The following ADAM10 variants were observed in gnomAD, a reference collection of about 807,000 sequenced individuals.
ADAM10 encodes disintegrin and metalloproteinase domain-containing protein 10.
Under a neutral mutation model 90.1 loss-of-function variants are expected in ADAM10, and 17 were observed. That is an observed-to-expected ratio of 0.19 (90% confidence interval 0.13 to 0.28). The LOEUF (loss-of-function observed/expected upper bound fraction) is 0.28, where lower values mean the gene tolerates loss of function less well. ADAM10 is among the 10% of genes least tolerant of loss of function. The pLI, the probability that ADAM10 is intolerant of heterozygous loss-of-function variation, is 1.00. For synonymous variants in ADAM10, 310 were observed against 298.6 expected (o/e 1.04, Z -0.40); for missense variants, 610 against 914.3 (o/e 0.67, Z 4.29).
intron 4 of ADAM10, among the ~76,000 whole-genome samples, chr15:58,668,466 G>A (rs1354177044): frequency 2.6e-5 from 4 of 152,126 alleles, no homozygotes; most frequent in African/African-American, 9.7e-5. Flanking sequence ...TTCCCAAGCT[G>A]TGACAACTGA....
rs1446590941 is a variant in ADAM10, at chr15:58,633,258, C to T, written c.1114G>A (p.Val372Ile). ...IITVQNYGSH[V>I]PPKVSHITFA... is the part of the protein sequence containing the mutation. ...GTAATGTGAGAGACTTTGGGAGGTA[C>T]ATGAGACCCATAGTTCTGAACAGTA... Residue 372 changes from valine to isoleucine, a missense_variant, in exon 9 of 16, where the codon GTA (valine) becomes ATA (isoleucine). Around this residue, in one of 4 missense-constraint regions of ADAM10, gnomAD observed 97 missense variants for 221.4 expected, o/e 0.44. Transcript: ENST00000260408. The T allele has an allele frequency of 3.1e-6, 5 of 1,613,282 alleles. No homozygotes were observed. The highest frequency in any genetic ancestry group is 4.2e-6 in the Non-Finnish European group (5 of 1,179,446).
At chr15:58,689,669 T>C (rs1405803907) in intron 2 of ADAM10, among the ~76,000 whole-genome samples, 1 of 152,042 alleles carries the variant, frequency 6.6e-6, no homozygotes, top group African/African-American at 2.4e-5. Context: ...AGTGATAAAG[T>C]AATATTATGA....
intron 2 of ADAM10, chr15:58,691,039 T>G: frequency 1.8e-6 from 1 of 558,650 alleles, no homozygotes; most frequent in Non-Finnish European, 3.5e-6. Flanking sequence ...TTAGCCATCA[T>G]ATAACCCATC....
intron 11 of ADAM10, among the ~76,000 whole-genome samples, chr15:58,613,334 T>C (rs1389529196): frequency 1.3e-5 from 2 of 152,108 alleles, no homozygotes; most frequent in Non-Finnish European, 2.9e-5. Context: ...CTAGAAAATT[T>C]AGATGAGACG....
At chr15:58,626,769 G>C (rs1422899614) in intron 10 of ADAM10, among the ~76,000 whole-genome samples, 1 of 152,096 alleles carries the variant, frequency 6.6e-6, no homozygotes, top group Non-Finnish European at 1.5e-5. Flanking sequence ...AATTCATAAA[G>C]ACAGAAAGTG....
chr15:58,597,400 C>A lies in ADAM10; in HGVS notation c.*147G>T, dbSNP rs759698636. 6.4e-7 allele frequency: 1 copy of A among 1,552,486 alleles called. No homozygotes were observed. Among genetic ancestry groups the A allele is most frequent in the African/African-American group, 1.4e-5 (1 of 73,090 alleles). On this transcript the variant is annotated 3_prime_UTR_variant, in exon 16 of 16. Transcript: ENST00000260408. ...AGGCTTTAAAATTTAAGTAATTCCA[C>A]CTGGTCTGAGGATATGATCTCTTGC... is the stretch of plus-strand genomic sequence containing the variant.
At chr15:58,727,737 T>C (rs1383075107) in intron 1 of ADAM10, among the ~76,000 whole-genome samples, 1 of 151,716 alleles carries the variant, frequency 6.6e-6, no homozygotes, top group African/African-American at 2.4e-5. Flanking sequence ...CAAACCCTAA[T>C]CCAAAGAAAG....
In ADAM10 at chr15:58,665,197, T is replaced by C. The variant is rs2140728979; in HGVS notation, c.485A>G (p.Asn162Ser). The change falls in exon 5 of 16, where the codon AAC becomes AGC. Residue 162 changes from asparagine to serine, a missense_variant and splice_region_variant. Around this residue, in one of 4 missense-constraint regions of ADAM10, gnomAD observed 310 missense variants for 362.4 expected, o/e 0.86. Transcript: ENST00000260408. ...HSVIYHEDDI[N>S]YPHKYGPQGG... ...CTGAGGACCGTATTTATGGGGATAG[T>C]CTAAAATACAAAGAAGAAACGTCAT... 1 of 1,600,194 alleles carries C rather than the reference T, an allele frequency of 6.2e-7. No homozygotes were observed. Among genetic ancestry groups the C allele is most frequent in the East Asian group, 2.2e-5 (1 of 44,778 alleles).
intron 14 of ADAM10, among the ~76,000 whole-genome samples, chr15:58,603,022 C>G (rs1895157204): frequency 6.6e-6 from 1 of 152,154 alleles, no homozygotes; most frequent in African/African-American, 2.4e-5. Flanking sequence ...AACATGCTGA[C>G]AGGGCTGAAT....
At chr15:58,701,969 G>A (rs1898146923) in intron 2 of ADAM10, among the ~76,000 whole-genome samples, 1 of 152,034 alleles carries the variant, frequency 6.6e-6, no homozygotes, top group Non-Finnish European at 1.5e-5. Flanking sequence ...AGCCAGGCGT[G>A]GCGGCGCACA....
chr15:58,663,246 G>A (rs533149679), intron 5 of ADAM10, among the ~76,000 whole-genome samples: 1 of 152,200 alleles, frequency 6.6e-6, no homozygotes, highest in African/African-American at 2.4e-5. Flanking sequence ...CTTTATTGTT[G>A]TAGGATGGTG....
chr15:58,613,379 C>T (rs1256122754), intron 11 of ADAM10, among the ~76,000 whole-genome samples: 1 of 152,044 alleles, frequency 6.6e-6, no homozygotes, highest in Non-Finnish European at 1.5e-5. Flanking sequence ...GACATGAACA[C>T]AGGGACTCAT....
intron 1 of ADAM10, among the ~76,000 whole-genome samples, chr15:58,730,812 A>G (rs1432884944): frequency 2.6e-5 from 4 of 152,144 alleles, no homozygotes; most frequent in Non-Finnish European, 4.4e-5. Flanking sequence ...AAAGGCCAGG[A>G]AAAAAACAAA....
In ADAM10 at chr15:58,614,382, A is replaced by C. The variant is rs547785907; in HGVS notation, c.1512-2391T>G. Among the ~76,000 whole-genome samples, 7 of 152,304 alleles carry C rather than the reference A, an allele frequency of 4.6e-5. 1 individual carries two copies. The South Asian group carries it at 1.5e-3, about 32-fold the overall frequency. On this transcript the variant is annotated intron_variant, in intron 11 of 15. Transcript: ENST00000260408. ...AAGTCTTCCTTGAGGATTTATAGTC[A>C]AATTGTCAAAAGTCAAGGACATAGA...
chr15:58,620,660 A>ATTTTTTTTTTTTTTT lies in ADAM10; in HGVS notation c.1511+796_1511+810dup, dbSNP rs570842513. 1.2e-4 allele frequency among the ~76,000 whole-genome samples: 7 copies of ATTTTTTTTTTTTTTT among 59,414 alleles called. 2 individuals are homozygous for ATTTTTTTTTTTTTTT. The highest frequency in any genetic ancestry group is 1.6e-3 in the South Asian group (2 of 1,234). 39.0% of individuals were successfully genotyped at this position (59,414 alleles called of 152,430 possible). A position where few individuals can be genotyped will look rare whatever the true frequency, so the allele number is the denominator to read the frequency against. On this transcript the variant is annotated intron_variant, in intron 11 of 15. Coordinates refer to ENST00000260408, the MANE Select transcript of ADAM10 (RefSeq NM_001110.4). ...CACAATAAGTAACTAAAGAATATGT[A>ATTTTTTTTTTTTTTT]TTTTTTTTTTTTTTTTTTTGAGACG...
chr15:58,715,003 G>A (rs980700006), intron 2 of ADAM10, among the ~76,000 whole-genome samples: 1 of 152,122 alleles, frequency 6.6e-6, no homozygotes, highest in East Asian at 1.9e-4. Flanking sequence ...ACGGTTTAGG[G>A]CAGAAATTCT....
At chr15:58,600,279 T>C (rs1461676332) in intron 14 of ADAM10, among the ~76,000 whole-genome samples, 1 of 152,188 alleles carries the variant, frequency 6.6e-6, no homozygotes, top group African/African-American at 2.4e-5. Flanking sequence ...CGTTTATACT[T>C]TCCATGGCTT....
Position 58,731,245 on chromosome 15 carries a change from A to G in ADAM10, c.56-13518T>C, listed in dbSNP as rs575157846. ...AAGACAAAACCTGAATTTGCTGTAC[A>G]CTGAGTACTATGCTGAATCCACACA... On this transcript the variant is annotated intron_variant, in intron 1 of 15. Transcript: ENST00000260408. Among the ~76,000 whole-genome samples, 26 of 152,340 alleles carry G rather than the reference A, an allele frequency of 1.7e-4. 1 individual carries two copies. In the South Asian group the frequency reaches 2.7e-3, roughly 16 times the overall value.
At chr15:58,724,486 A>T (rs1414573434) in intron 1 of ADAM10, among the ~76,000 whole-genome samples, 3 of 152,234 alleles carry the variant, frequency 2.0e-5, no homozygotes, top group Non-Finnish European at 2.9e-5. Context: ...ATCTACTACA[A>T]CTGGCCCAGC....
Sources: gnomAD v4.1 joint callset for allele counts (sites outside exome capture counted in the v4.1 genomes callset) on GRCh38, gnomAD v4.1.1 for gene constraint, gnomAD v4.1.1 regional missense constraint, MANE v1.5 for transcripts, NCBI Gene and HGNC (gene_info 2026-07-23, HGNC 2026-07-21) for gene names.